Variants in PDK1 observed in about 807,000 individuals in gnomAD.
The protein encoded by PDK1 is [Pyruvate dehydrogenase (acetyl-transferring)] kinase isozyme 1, mitochondrial.
PDK1 carries 39 observed loss-of-function variants against 54.2 expected under a neutral mutation model. That is an observed-to-expected ratio of 0.72 (90% CI 0.56 to 0.94). The LOEUF (loss-of-function observed/expected upper bound fraction) is 0.94. Ranked by LOEUF, PDK1 falls within the 40% of genes least tolerant of loss-of-function variation. The probability of loss-of-function intolerance (pLI) is 0.00; values close to 1 mark genes in which losing one functional copy is unlikely to be tolerated. For missense variants in PDK1, 552 were observed against 566.0 expected (o/e 0.98, Z 0.25); for synonymous variants, 221 against 207.1 (o/e 1.07, Z -0.58).
At chr2:172,689,001 A>C in the PDK1 span, among the ~76,000 whole-genome samples, 1 of 152,298 alleles carries the variant, frequency 6.6e-6, no homozygotes, top group East Asian at 1.9e-4. Context: ...AGCAAGATTT[A>C]TTTTGAAGAG....
chr2:172,717,220 C>A, the PDK1 span, among the ~76,000 whole-genome samples: 1 of 152,168 alleles, frequency 6.6e-6, no homozygotes, highest in Non-Finnish European at 1.5e-5. Context: ...GTGAGAGACC[C>A]ATGTATGGCT....
At chr2:172,648,118 G>T in the PDK1 span, among the ~76,000 whole-genome samples, 2 of 152,154 alleles carry the variant, frequency 1.3e-5, no homozygotes, top group Non-Finnish European at 2.9e-5. Context: ...CATGCAACGT[G>T]GGAAGCTGAC....
At chr2:172,722,676 G>A in the PDK1 span, among the ~76,000 whole-genome samples, 1 of 152,154 alleles carries the variant, frequency 6.6e-6, no homozygotes, top group Non-Finnish European at 1.5e-5. Flanking sequence ...AGGTGAGGTA[G>A]GGGTGATGGC....
At position 172,562,333 on chromosome 2, in the gene PDK1, G is replaced by T. The variant is rs767166429; in HGVS notation, c.410+42G>T. 7 of 1,156,208 alleles carry T rather than the reference G, an allele frequency of 6.1e-6. No homozygotes were observed. In the African/African-American group the frequency reaches 9.2e-5, roughly 15 times the overall value. The allele number at this position is 1,156,208 out of a possible 1,614,324, so 71.6% of individuals were successfully genotyped here. On this transcript the variant is annotated intron_variant, in intron 3 of 10. Transcript: ENST00000282077. ...GACCCTATTCTTAAACCTATTATTA[G>T]GTCACTTGGGGGAAATTGGTTAACT... is the stretch of plus-strand genomic sequence containing the variant.
chr2:172,719,451 T>C, the PDK1 span, among the ~76,000 whole-genome samples: 1 of 152,344 alleles, frequency 6.6e-6, no homozygotes, highest in Admixed American at 6.5e-5. Context: ...GTTCCAGTGC[T>C]CCACATCCTG....
the PDK1 span, among the ~76,000 whole-genome samples, chr2:172,704,278 C>T: frequency 6.6e-6 from 1 of 152,108 alleles, no homozygotes; most frequent in African/African-American, 2.4e-5. Flanking sequence ...CTCCTTCCCA[C>T]AGGGCTCCCA....
At chr2:172,694,041 T>C in the PDK1 span, among the ~76,000 whole-genome samples, 1 of 152,234 alleles carries the variant, frequency 6.6e-6, no homozygotes, top group African/African-American at 2.4e-5. Flanking sequence ...GTTTGGTGTA[T>C]GTGTGGGGTG....
the PDK1 span, among the ~76,000 whole-genome samples, chr2:172,712,397 G>T: frequency 1.3e-5 from 2 of 152,144 alleles, no homozygotes; most frequent in South Asian, 4.1e-4. Flanking sequence ...TCTTGGCCTC[G>T]CAGGCTTCAC....
In PDK1 at chr2:172,601,052, A is replaced by G. The variant is rs560281389; in HGVS notation, c.*5083A>G. ...TTTGAGCTGCTGTTTGTTAAAAGAA[A>G]AGTTTTCTGCCGGGGACTCGCTTTA... On this transcript the variant is annotated 3_prime_UTR_variant, in exon 11 of 11. Coordinates refer to ENST00000282077, the MANE Select transcript of PDK1 (RefSeq NM_002610.5). 6 of 152,258 alleles carry G rather than the reference A, an allele frequency of 3.9e-5. No individual in the cohort carries two copies. The South Asian group carries it at 1.2e-3, about 32-fold the overall frequency. 9.4% of individuals were successfully genotyped at this position (152,258 alleles called of 1,614,324 possible).
chr2:172,605,059 C>T lies in PDK1; in HGVS notation c.*9090C>T, dbSNP rs142022870. On this transcript the variant is annotated 3_prime_UTR_variant, in exon 11 of 11. Coordinates refer to ENST00000282077, the MANE Select transcript of PDK1 (RefSeq NM_002610.5). ...AGAAAACTTTTCCCTCTATAGACTC[C>T]CCATTTTAAGAAGGAGGCACAGGGC... The T allele has an allele frequency of 2.6e-5, 4 of 152,240 alleles. No individual in the cohort carries two copies. Among genetic ancestry groups the T allele is most frequent in the Admixed American group, 6.5e-5 (1 of 15,290 alleles). The allele number at this position is 152,240 out of a possible 1,614,324, so 9.4% of individuals were successfully genotyped here. A position where few individuals can be genotyped will look rare whatever the true frequency, so the allele number is the denominator to read the frequency against.
At chr2:172,570,408 T>G (rs1465141916) in intron 7 of PDK1, among the ~76,000 whole-genome samples, 1 of 152,224 alleles carries the variant, frequency 6.6e-6, no homozygotes, top group Non-Finnish European at 1.5e-5. Flanking sequence ...TTCAAAAATG[T>G]TTTGCCCATC....
At chr2:172,645,830 TG>T in the PDK1 span, among the ~76,000 whole-genome samples, 1 of 152,210 alleles carries the variant, frequency 6.6e-6, no homozygotes, top group Non-Finnish European at 1.5e-5. Flanking sequence ...AAAGGATGTT[TG>T]TTGGATACAT....
At chr2:172,690,493 A>C in the PDK1 span, among the ~76,000 whole-genome samples, 51 of 150,282 alleles carry the variant, frequency 3.4e-4, 2 homozygotes, top group Non-Finnish European at 6.5e-4. Context: ...CAGCAATCCC[A>C]TTACTGGGTA....
the PDK1 span, among the ~76,000 whole-genome samples, chr2:172,644,910 T>C: frequency 6.1e-5 from 9 of 146,782 alleles, no homozygotes; most frequent in Non-Finnish European, 1.2e-4. Flanking sequence ...ACAAATTACT[T>C]AACTTCTTTA....
the PDK1 span, among the ~76,000 whole-genome samples, chr2:172,722,461 T>A: frequency 6.6e-6 from 1 of 152,348 alleles, no homozygotes; most frequent in African/African-American, 2.4e-5. Flanking sequence ...GCCTCACCAT[T>A]CATGTGTAGA....
chr2:172,679,872 T>A, the PDK1 span, among the ~76,000 whole-genome samples: 1 of 152,070 alleles, frequency 6.6e-6, no homozygotes, highest in Admixed American at 6.5e-5. Flanking sequence ...GGTTTTGGGT[T>A]TTTTTTAGCC....
chr2:172,723,000 C>T, the PDK1 span, among the ~76,000 whole-genome samples: 115 of 152,050 alleles, frequency 7.6e-4, 1 homozygote, highest in African/African-American at 2.5e-3. Context: ...CTGCTTCCAT[C>T]TGAGCAGTGG....
In PDK1 at chr2:172,556,144, A is replaced by G; in HGVS notation, c.-7A>G. ...TACTGGCTGTGGCTTCTCTAGCGGG[A>G]CTCGGCATGAGGCTGGCGCGGCTGC... On this transcript the variant is annotated 5_prime_UTR_variant, in exon 1 of 11. Transcript: ENST00000282077. The G allele has an allele frequency of 7.1e-7, 1 of 1,406,730 alleles. No homozygotes were observed. The highest frequency in any genetic ancestry group is 9.2e-7 in the Non-Finnish European group (1 of 1,086,980). 87.1% of individuals were successfully genotyped at this position (1,406,730 alleles called of 1,614,324 possible). A position where few individuals can be genotyped will look rare whatever the true frequency, so the allele number is the denominator to read the frequency against.
At chr2:172,631,606 T>TA in the PDK1 span, among the ~76,000 whole-genome samples, 1 of 152,144 alleles carries the variant, frequency 6.6e-6, no homozygotes, top group Non-Finnish European at 1.5e-5. Flanking sequence ...GTTTCCTGAG[T>TA]AAAAAGATCT....
Sources: allele counts gnomAD v4.1 joint callset (sites outside exome capture counted in the v4.1 genomes callset), GRCh38; gene constraint gnomAD v4.1.1; transcripts MANE v1.5; gene names NCBI Gene and HGNC (gene_info 2026-07-23, HGNC 2026-07-21).